Variants in MRTFA observed in about 807,000 individuals in gnomAD.
MRTFA encodes myocardin-related transcription factor A.
In MRTFA, 20 loss-of-function variants were observed where a neutral mutation model predicts 83.5. The ratio of observed to expected loss-of-function variants is 0.24; its 90% CI spans 0.17 to 0.35. The LOEUF is 0.35. Among genes scored for constraint, MRTFA ranks in the 10% least tolerant of loss-of-function variants. The pLI, the probability that MRTFA is intolerant of heterozygous loss-of-function variation, is 1.00. For missense variants in MRTFA, 1,200 were observed against 1,224.7 expected, an observed-to-expected ratio of 0.98 and a Z score of 0.30; for synonymous variants, 659 against 541.2, an observed-to-expected ratio of 1.22 and a Z score of -3.02.
chr22:40,469,178 A>C (rs1217453158), intron 3 of MRTFA, among the ~76,000 whole-genome samples: 2 of 152,322 alleles, frequency 1.3e-5, no homozygotes, highest in South Asian at 4.1e-4. Context: ...AAGGATATTG[A>C]AACAGTTCAA....
At chr22:40,457,390 A>AAAAG (rs776556999) in intron 4 of MRTFA, among the ~76,000 whole-genome samples, 8 of 150,908 alleles carry the variant, frequency 5.3e-5, no homozygotes, top group East Asian at 1.9e-4. Context: ...AAAGAAAAGA[A>AAAAG]AAAGAAAGAA....
chr22:40,425,894 C>G (rs2052944286), intron 7 of MRTFA, among the ~76,000 whole-genome samples: 1 of 152,196 alleles, frequency 6.6e-6, no homozygotes, highest in South Asian at 2.1e-4. Context: ...GACTATTTCT[C>G]TCTCCACTCA....
chr22:40,434,664 G>T (rs1157751731), intron 5 of MRTFA, among the ~76,000 whole-genome samples: 1 of 152,236 alleles, frequency 6.6e-6, no homozygotes, highest in Non-Finnish European at 1.5e-5. Flanking sequence ...GGAGGCTGCG[G>T]TGAACTGAGA....
intron 4 of MRTFA, among the ~76,000 whole-genome samples, chr22:40,446,246 T>A (rs1480716248): frequency 6.6e-6 from 1 of 152,230 alleles, no homozygotes; most frequent in Non-Finnish European, 1.5e-5. Context: ...CTACTGATGA[T>A]CCTTGTCTGA....
chr22:40,608,149 C>T (rs2056341301), intron 1 of MRTFA, among the ~76,000 whole-genome samples: 1 of 152,086 alleles, frequency 6.6e-6, no homozygotes, highest in Admixed American at 6.6e-5. Context: ...CTCAGACTCC[C>T]GAGTAGTTGG....
chr22:40,500,609 T>C (rs980146753), intron 3 of MRTFA, among the ~76,000 whole-genome samples: 1 of 151,956 alleles, frequency 6.6e-6, no homozygotes, highest in African/African-American at 2.4e-5. Flanking sequence ...ACGAGCATGC[T>C]GCCTTCAAGC....
rs61206773 is a variant in MRTFA, at chr22:40,471,219, T to TA, written c.242-7934dup. ...CAACATGACAAAGCCCTGTTTCTATTAAAAAAAAAAAAAAAAAAAAAAAAA... is the reference window on the plus strand; with the variant it reads ...CAACATGACAAAGCCCTGTTTCTATTAAAAAAAAAAAAAAAAAAAAAAAAAA... On this transcript the variant is annotated intron_variant, in intron 3 of 14. Coordinates refer to ENST00000355630, the MANE Select transcript of MRTFA (RefSeq NM_020831.6). Among the ~76,000 whole-genome samples, 356 of 42,694 alleles carry TA rather than the reference T, an allele frequency of 8.3e-3. 10 individuals are homozygous for TA. Among genetic ancestry groups the TA allele is most frequent in the South Asian group, 0.013 (10 of 774 alleles). 28.0% of individuals were successfully genotyped at this position (42,694 alleles called of 152,430 possible).
intron 3 of MRTFA, among the ~76,000 whole-genome samples, chr22:40,495,774 A>G (rs1007842934): frequency 6.6e-6 from 1 of 150,438 alleles, no homozygotes; most frequent in Non-Finnish European, 1.5e-5. Flanking sequence ...AAAAAAAAAA[A>G]AAGTACACTG....
intron 2 of MRTFA, among the ~76,000 whole-genome samples, chr22:40,577,765 C>A (rs186578845): frequency 1.3e-5 from 2 of 151,998 alleles, no homozygotes; most frequent in Admixed American, 1.3e-4. Flanking sequence ...CACCACCATG[C>A]CCGGCTAATT....
intron 4 of MRTFA, among the ~76,000 whole-genome samples, chr22:40,455,463 G>A (rs370422846): frequency 6.6e-6 from 1 of 151,914 alleles, no homozygotes; most frequent in African/African-American, 2.4e-5. Flanking sequence ...TGGCTAACAC[G>A]GTGAAACCCC....
chr22:40,613,487 A>G (rs1339069270), intron 1 of MRTFA, among the ~76,000 whole-genome samples: 1 of 152,134 alleles, frequency 6.6e-6, no homozygotes, highest in Non-Finnish European at 1.5e-5. Flanking sequence ...CATTCTCACC[A>G]ATTCTTGGAA....
chr22:40,511,748 G>A (rs2054671790), intron 3 of MRTFA, among the ~76,000 whole-genome samples: 1 of 152,186 alleles, frequency 6.6e-6, no homozygotes, highest in South Asian at 2.1e-4. Context: ...AGTGCCAGTA[G>A]TAACAGATGT....
At chr22:40,421,728 T>A (rs1267893222) in intron 9 of MRTFA, among the ~76,000 whole-genome samples, 1 of 151,892 alleles carries the variant, frequency 6.6e-6, no homozygotes, top group African/African-American at 2.4e-5. Context: ...CAGTAGGTGA[T>A]ATATGGGAGG....
chr22:40,455,734 A>G (rs2053573900), intron 4 of MRTFA, among the ~76,000 whole-genome samples: 2 of 151,202 alleles, frequency 1.3e-5, no homozygotes, highest in African/African-American at 4.9e-5. Context: ...GGGGTGGCAG[A>G]GGATGTTGGA....
intron 3 of MRTFA, among the ~76,000 whole-genome samples, chr22:40,494,600 G>A (rs908231910): frequency 2.0e-5 from 3 of 151,676 alleles, no homozygotes; most frequent in African/African-American, 7.3e-5. Context: ...AGCATCACTC[G>A]AGCCCAGGGG....
At chr22:40,483,947 T>A (rs956787226) in intron 3 of MRTFA, among the ~76,000 whole-genome samples, 1 of 152,030 alleles carries the variant, frequency 6.6e-6, no homozygotes, top group South Asian at 2.1e-4. Context: ...ACTCAAGTGA[T>A]CCGCTCACCT....
chr22:40,531,287 A>AT lies in MRTFA; in HGVS notation c.241+20818dup, dbSNP rs1408083372. On this transcript the variant is annotated intron_variant, in intron 3 of 14. Transcript: ENST00000355630. The stretch of plus-strand genomic sequence containing the variant: ...CTTTTTTTTTTTTTTTTTTTTTTTA[A>AT]TTTTTTGTAGAGATGGGTCTTGAAC... Among the ~76,000 whole-genome samples the AT allele has an allele frequency of 2.4e-4, 19 of 79,486 alleles. No individual in the cohort carries two copies. The Admixed American group carries it at 2.4e-3, about 10-fold the overall frequency. The allele number at this position is 79,486 out of a possible 152,430, so 52.1% of individuals were successfully genotyped here.
chr22:40,455,601 G>A (rs944672534), intron 4 of MRTFA, among the ~76,000 whole-genome samples: 5 of 149,074 alleles, frequency 3.4e-5, no homozygotes, highest in Non-Finnish European at 7.4e-5. Context: ...AGCCGAGATC[G>A]CGCCACTGCA....
In MRTFA at chr22:40,416,741, T is replaced by A. The variant is rs189743091; in HGVS notation, c.2578+245A>T. Among the ~76,000 whole-genome samples, 17 of 152,346 alleles carry A rather than the reference T, an allele frequency of 1.1e-4. No individual in the cohort carries two copies. The East Asian group carries it at 3.1e-3, about 28-fold the overall frequency. ...GCACTGTGAGCTCCACAAGGGCAAA[T>A]GTCTCTTCTGTTCGTTGGGAGGCGA... On this transcript the variant is annotated intron_variant, in intron 14 of 14. Transcript: ENST00000355630. The surrounding 1 kb of genome is among the most constrained non-coding windows in gnomAD (Gnocchi z 4.2).
Sources: gnomAD v4.1 joint callset for allele counts (sites outside exome capture counted in the v4.1 genomes callset) on GRCh38, gnomAD v4.1.1 for gene constraint, Gnocchi (gnomAD v3.1) non-coding constraint, MANE v1.5 for transcripts, NCBI Gene and HGNC (gene_info 2026-07-23, HGNC 2026-07-21) for gene names.